INO80: variants seen among roughly 807,000 people sequenced by gnomAD.
The protein encoded by INO80 is chromatin-remodeling ATPase INO80.
INO80 carries 20 observed loss-of-function variants against 203.4 expected under a neutral mutation model. The ratio of observed to expected loss-of-function variants is 0.10; its 90% CI spans 0.07 to 0.14. The LOEUF is 0.14. Among genes scored for constraint, INO80 ranks in the 10% least tolerant of loss-of-function variants. The pLI, the probability that INO80 is intolerant of heterozygous loss-of-function variation, is 1.00. For missense variants in INO80, 1,419 were observed against 1,914.4 expected (o/e 0.74, Z 4.83); for synonymous variants, 726 against 685.2 (o/e 1.06, Z -0.93).
intron 14 of INO80, 121 bp downstream of exon 14, chr15:41,069,449 T>TG: frequency 1.8e-6 from 1 of 568,112 alleles, no homozygotes; most frequent in Non-Finnish European, 3.0e-6. Context: ...AGATTACAAG[T>TG]GTGAGCCCCC....
chr15:41,087,168 A>G (rs191226083), intron 6 of INO80, among the ~76,000 whole-genome samples: 1 of 152,164 alleles, frequency 6.6e-6, no homozygotes, highest in East Asian at 1.9e-4. Flanking sequence ...AGCTGTACTG[A>G]ATATGTACAA....
At chr15:41,111,735 G>A (rs373996752) in intron 1 of INO80, among the ~76,000 whole-genome samples, 11 of 151,388 alleles carry the variant, frequency 7.3e-5, no homozygotes, top group South Asian at 2.1e-4. Flanking sequence ...CTCGGGAGGC[G>A]GAGGTTGCAG....
chr15:41,096,277 C>T lies in INO80; in HGVS notation c.34G>A (p.Gly12Ser). The T allele has an allele frequency of 6.2e-7, 1 of 1,606,472 alleles. No individual in the cohort carries two copies. The highest frequency in any genetic ancestry group is 1.1e-5 in the South Asian group (1 of 89,610). ...AGGGGCTTTGCCAGCTCAGTGCAGCCTCCATCATCCCTGGCACCCAACTCC... is the reference window on the plus strand; with the variant it reads ...AGGGGCTTTGCCAGCTCAGTGCAGCTTCCATCATCCCTGGCACCCAACTCC... ...ASELGARDDG[G>S]CTELAKPLYL... The change falls in exon 2 of 36, where the codon GGC becomes AGC. Residue 12 changes from glycine to serine, a missense_variant. Transcript: ENST00000648947.
intron 16 of INO80, 74 bp from the exon 17 acceptor site, chr15:41,056,780 T>C (rs2044993577): frequency 4.9e-6 from 6 of 1,214,954 alleles, no homozygotes; most frequent in Admixed American, 1.8e-5. Context: ...AGACCCCATA[T>C]TGACAAAAAT....
chr15:41,054,202 A>G (rs373243392), intron 18 of INO80, among the ~76,000 whole-genome samples, 188 bp from the exon 19 acceptor site: 14 of 152,216 alleles, frequency 9.2e-5, no homozygotes, highest in African/African-American at 3.4e-4. Context: ...CCATCTTGCT[A>G]TAGTCAACAG....
chr15:41,049,162 G>T, intron 21 of INO80, 125 bp downstream of exon 21: 1 of 742,758 alleles, frequency 1.3e-6, no homozygotes, highest in Non-Finnish European at 2.1e-6. Context: ...ACAAATAGTT[G>T]TCCACCCTTT....
intron 27 of INO80, among the ~76,000 whole-genome samples, chr15:41,009,042 G>C (rs1344684534): frequency 6.6e-6 from 1 of 152,074 alleles, no homozygotes; most frequent in Non-Finnish European, 1.5e-5. Context: ...ATGTTGGTCG[G>C]GCTGATCTCA....
Position 41,106,409 on chromosome 15 carries a change from A to C in INO80, c.-44+9564T>G, listed in dbSNP as rs112483285. On this transcript the variant is annotated intron_variant, in intron 1 of 35. Transcript: ENST00000648947. ...AAAAAAAAAAAAAAAAAAGAGAAAG[A>C]AAGAAAAAAATTAGATTAGCTGTGC... Among the ~76,000 whole-genome samples, 1,420 of 146,848 alleles carry C rather than the reference A, an allele frequency of 9.7e-3. 10 individuals are homozygous for C. The highest frequency in any genetic ancestry group is 0.015 in the Non-Finnish European group (1,025 of 66,920).
At position 41,073,465 on chromosome 15, in the gene INO80, T is replaced by C. The variant is rs1305667677; in HGVS notation, c.1358A>G (p.Lys453Arg). 1.2e-6 allele frequency: 2 copies of C among 1,614,034 alleles called. No individual in the cohort carries two copies. The highest frequency in any genetic ancestry group is 1.7e-6 in the Non-Finnish European group (2 of 1,180,004). The part of the protein sequence containing the change: ...DSNHFKAQAL[K>R]NAENAYHIHQ... ...AATATGGTAAGCATTTTCAGCATTC[T>C]TCAGGGCCTGGGCTTTAAAATGGTT... The change falls in exon 11 of 36, where the codon AAG becomes AGG. Residue 453 changes from lysine (K) to arginine (R), a missense_variant. Around this residue, in one of 9 missense-constraint regions of INO80, gnomAD observed 116 missense variants for 119.5 expected, o/e 0.97. Transcript: ENST00000648947.
intron 28 of INO80, among the ~76,000 whole-genome samples, chr15:41,004,142 G>A (rs577636244): frequency 6.6e-6 from 1 of 152,252 alleles, no homozygotes; most frequent in South Asian, 2.1e-4. Context: ...GGTAGCTTCC[G>A]CTAGGTGAGA....
intron 12 of INO80, among the ~76,000 whole-genome samples, chr15:41,070,769 A>C (rs958563766): frequency 1.3e-5 from 2 of 152,264 alleles, no homozygotes; most frequent in African/African-American, 2.4e-5. Context: ...CCAATCTGTT[A>C]GCTAATACAA....
intron 5 of INO80, among the ~76,000 whole-genome samples, chr15:41,088,109 T>TTTTTTG: frequency 6.9e-6 from 1 of 145,202 alleles, no homozygotes; most frequent in African/African-American, 2.7e-5. Context: ...TTTTTTTTTT[T>TTTTTTG]GAGACAGAGT....
At position 41,050,086 on chromosome 15, in the gene INO80, T is replaced by C; in HGVS notation, c.2291A>G (p.Tyr764Cys). The change falls in exon 20 of 36, where the codon TAT becomes TGT. Residue 764 changes from tyrosine to cysteine, a missense_variant. Around this residue, in one of 9 missense-constraint regions of INO80, gnomAD observed 192 missense variants for 406.7 expected, o/e 0.47. Coordinates refer to ENST00000648947, the MANE Select transcript of INO80 (RefSeq NM_017553.3). ...ELSDKIEILM[Y>C]CQLTSRQKLL... ...CTTCTGTCGGCTGGTCAGTTGGCAA[T>C]ACATTAGAATCTCAATCTAAAAATC... 1 of 1,607,938 alleles carries C rather than the reference T, an allele frequency of 6.2e-7. No individual in the cohort carries two copies. Among genetic ancestry groups the C allele is most frequent in the Non-Finnish European group, 8.5e-7 (1 of 1,176,800 alleles).
At chr15:40,984,802 A>AAG (rs1446079881) in intron 32 of INO80, among the ~76,000 whole-genome samples, 8 of 152,224 alleles carry the variant, frequency 5.3e-5, no homozygotes, top group African/African-American at 1.4e-4. Flanking sequence ...AGTCCCACAA[A>AAG]AGAGAGGGCC....
chr15:41,080,656 G>A (rs957700676), intron 8 of INO80, among the ~76,000 whole-genome samples: 3 of 152,146 alleles, frequency 2.0e-5, no homozygotes, highest in African/African-American at 7.2e-5. Flanking sequence ...AGGAGTTCAA[G>A]ACCAGCCTGG....
At chr15:41,059,265 A>G (rs959746202) in intron 15 of INO80, among the ~76,000 whole-genome samples, 8 of 150,456 alleles carry the variant, frequency 5.3e-5, no homozygotes, top group African/African-American at 1.9e-4. Flanking sequence ...CCCGGCCACT[A>G]TAACTGTTTT....
intron 7 of INO80, among the ~76,000 whole-genome samples, chr15:41,081,819 G>A (rs117792809): frequency 0.018 from 2,663 of 152,156 alleles, 37 homozygotes; most frequent in Non-Finnish European, 0.026. Flanking sequence ...AAGAAGGTCT[G>A]AAAGCCATTT....
rs2045376680 is a variant in INO80 at position 41,074,683 on chromosome 15, T to C, written c.1132-118A>G. 4.5e-6 allele frequency: 3 copies of C among 672,590 alleles called. No individual in the cohort carries two copies. The South Asian group carries it at 6.4e-5, about 14-fold the overall frequency. The allele number at this position is 672,590 out of a possible 1,614,324, so 41.7% of individuals were successfully genotyped here. ...TTTACCAACTGTTTACTTTTAAAAA[T>C]GTAAACATCACTGATAAACAATTTT... On this transcript the variant is annotated intron_variant, in intron 9 of 35. Transcript: ENST00000648947.
chr15:41,004,086 G>C (rs1056918793), intron 28 of INO80, among the ~76,000 whole-genome samples: 1 of 152,222 alleles, frequency 6.6e-6, no homozygotes, highest in Non-Finnish European at 1.5e-5. Flanking sequence ...GGTGGAATAA[G>C]GAGGCACAAT....
Sources: allele counts gnomAD v4.1 joint callset (sites outside exome capture counted in the v4.1 genomes callset), GRCh38; gene constraint gnomAD v4.1.1; regional missense constraint gnomAD v4.1.1; transcripts MANE v1.5; gene names NCBI Gene and HGNC (gene_info 2026-07-23, HGNC 2026-07-21).